FMNL2: variants seen among roughly 807,000 people sequenced by gnomAD.
FMNL2 encodes formin-like protein 2.
In FMNL2, 51 loss-of-function variants were observed where a neutral mutation model predicts 130.2. The ratio of observed to expected loss-of-function variants is 0.39; its 90% CI spans 0.31 to 0.49. The LOEUF (loss-of-function observed/expected upper bound fraction) is 0.49, where lower values mean the gene tolerates loss of function less well. FMNL2 is among the 20% of genes least tolerant of loss of function. The pLI is 0.85. For missense variants in FMNL2, 977 were observed against 1,316.2 expected, an observed-to-expected ratio of 0.74 and a Z score of 3.99; for synonymous variants, 465 against 467.1, an observed-to-expected ratio of 1.00 and a Z score of 0.06.
At chr2:152,385,922 C>G (rs998184675) in intron 1 of FMNL2, among the ~76,000 whole-genome samples, 1 of 152,158 alleles carries the variant, frequency 6.6e-6, no homozygotes, top group African/African-American at 2.4e-5. Context: ...GAAAGGCTGT[C>G]AGCAATGCCT....
chr2:152,558,838 G>A lies in FMNL2; in HGVS notation c.443+15G>A, dbSNP rs114662803. The A allele has an allele frequency of 2.5e-4, 402 of 1,610,416 alleles. 1 individual carries two copies. The African/African-American group carries it at 4.8e-3, about 19-fold the overall frequency. On this transcript the variant is annotated intron_variant, in intron 5 of 25. Transcript: ENST00000288670. Reference sequence around the variant, plus strand: ...TACGCGGTAACGTAAGTAAAACTTGGCTTGCTTGCATTTGAATTTTATGTG... The same window carrying A: ...TACGCGGTAACGTAAGTAAAACTTGACTTGCTTGCATTTGAATTTTATGTG...
chr2:152,510,137 A>T (rs1048980451), intron 1 of FMNL2, among the ~76,000 whole-genome samples: 1 of 152,238 alleles, frequency 6.6e-6, no homozygotes, highest in African/African-American at 2.4e-5. Flanking sequence ...AACCACGTAC[A>T]AATAGATAAT....
rs1693398014 is a variant in FMNL2 at position 152,526,597 on chromosome 2, A to AT, written c.201+4572dup. 2.6e-5 allele frequency among the ~76,000 whole-genome samples: 4 copies of AT among 152,214 alleles called. No homozygotes were observed. The South Asian group carries it at 8.3e-4, about 32-fold the overall frequency. ...AACTGACATGCTTCCTGTACTTAAT[A>AT]TGTTAAATTGGTTATATTTTTATCA... On this transcript the variant is annotated intron_variant, in intron 2 of 25. Coordinates refer to ENST00000288670, the MANE Select transcript of FMNL2 (RefSeq NM_052905.4).
At chr2:152,367,820 A>G (rs1683646136) in intron 1 of FMNL2, among the ~76,000 whole-genome samples, 1 of 152,244 alleles carries the variant, frequency 6.6e-6, no homozygotes, top group Non-Finnish European at 1.5e-5. Context: ...CTTCCTCATC[A>G]GTATCAATGG....
At chr2:152,579,463 CGAGGCAGGCAGATCACCT>C (rs895466968) in intron 8 of FMNL2, among the ~76,000 whole-genome samples, 8 of 152,188 alleles carry the variant, frequency 5.3e-5, no homozygotes, top group African/African-American at 1.9e-4. Flanking sequence ...TTTGGGAGGC[CGAGGCAGGCAGATCACCT>C]GAGGTCAGGA....
intron 1 of FMNL2, among the ~76,000 whole-genome samples, chr2:152,519,309 A>G (rs889564890): frequency 1.3e-5 from 2 of 152,164 alleles, no homozygotes; most frequent in African/African-American, 4.8e-5. Flanking sequence ...CTCTCTGGGC[A>G]TCGCGTCTGT....
At chr2:152,607,616 A>G in intron 10 of FMNL2, 1 of 504,840 alleles carries the variant, frequency 2.0e-6, no homozygotes, top group Non-Finnish European at 3.6e-6. Flanking sequence ...TTCCTTACAT[A>G]CACGGTATAG....
rs1267009854 is a variant in FMNL2, at chr2:152,615,185, G to C, written c.1212+185G>C. On this transcript the variant is annotated intron_variant, in intron 12 of 25. Transcript: ENST00000288670. ...AAAAAGCAGATGTGTTATGTAAAAT[G>C]AAATAGAATCTGTTGCTTTGCTTTA... Among the ~76,000 whole-genome samples, 3 of 152,138 alleles carry C rather than the reference G, an allele frequency of 2.0e-5. No individual in the cohort carries two copies. The East Asian group carries it at 5.8e-4, about 29-fold the overall frequency.
intron 1 of FMNL2, among the ~76,000 whole-genome samples, chr2:152,408,453 C>G (rs1686116490): frequency 6.6e-6 from 1 of 152,154 alleles, no homozygotes; most frequent in Non-Finnish European, 1.5e-5. Context: ...TGCTGGCAAA[C>G]TGCTGGCTTA....
At chr2:152,454,396 A>C (rs1688836198) in intron 1 of FMNL2, among the ~76,000 whole-genome samples, 1 of 152,144 alleles carries the variant, frequency 6.6e-6, no homozygotes, top group African/African-American at 2.4e-5. Flanking sequence ...TATTAAATTT[A>C]AGACTGTAGA....
At chr2:152,617,955 C>T (rs896147785) in intron 13 of FMNL2, among the ~76,000 whole-genome samples, 6 of 152,168 alleles carry the variant, frequency 3.9e-5, no homozygotes, top group South Asian at 2.1e-4. Flanking sequence ...TTTTCTGGCA[C>T]GCCTTCGAGA....
rs1263264524 is a variant in FMNL2, at chr2:152,355,941, C to T, written c.117+20221C>T. Among the ~76,000 whole-genome samples the T allele has an allele frequency of 2.0e-5, 3 of 152,340 alleles. No homozygotes were observed. In the East Asian group the frequency reaches 5.8e-4, roughly 29 times the overall value. ...ACAGTCCAAGCTCGTTCTCTCCTGACTTCCTTTCTCCCGCTACAGAGGAAA... is the reference window on the plus strand; with the variant it reads ...ACAGTCCAAGCTCGTTCTCTCCTGATTTCCTTTCTCCCGCTACAGAGGAAA... On this transcript the variant is annotated intron_variant, in intron 1 of 25. Transcript: ENST00000288670.
chr2:152,464,343 T>A (rs367950192), intron 1 of FMNL2, among the ~76,000 whole-genome samples: 24 of 152,246 alleles, frequency 1.6e-4, no homozygotes, highest in East Asian at 1.3e-3. Context: ...CTCCTTTGGC[T>A]GGCTTTAAAC....
intron 2 of FMNL2, among the ~76,000 whole-genome samples, chr2:152,538,856 G>A (rs1334801519): frequency 6.6e-6 from 1 of 152,108 alleles, no homozygotes; most frequent in East Asian, 1.9e-4. Flanking sequence ...TTGAACAACA[G>A]AAACATTGGG....
chr2:152,567,115 T>C (rs1485494308), intron 6 of FMNL2, among the ~76,000 whole-genome samples: 1 of 152,186 alleles, frequency 6.6e-6, no homozygotes, highest in Non-Finnish European at 1.5e-5. Context: ...AATATTTCCA[T>C]TTAAAGGTCA....
intron 22 of FMNL2, 86 bp downstream of exon 22, chr2:152,636,676 G>A (rs1209946062): frequency 4.2e-6 from 6 of 1,428,058 alleles, no homozygotes; most frequent in Non-Finnish European, 5.6e-6. Flanking sequence ...GGGGAGAAAT[G>A]TTCCATTTCC....
intron 1 of FMNL2, among the ~76,000 whole-genome samples, chr2:152,440,663 G>C (rs1688003818): frequency 6.6e-6 from 1 of 152,190 alleles, no homozygotes; most frequent in Admixed American, 6.5e-5. Flanking sequence ...ACAAAGAAGA[G>C]TAAGTTGTTA....
intron 14 of FMNL2, 134 bp downstream of exon 14, chr2:152,619,292 T>A: frequency 7.7e-7 from 1 of 1,301,444 alleles, no homozygotes; most frequent in Non-Finnish European, 1.0e-6. Flanking sequence ...GAGTAGTTCT[T>A]AACTGTTTAC....
At chr2:152,619,476 T>C (rs1699120472) in intron 14 of FMNL2, 33 bp from the exon 15 acceptor site, 1 of 1,549,790 alleles carries the variant, frequency 6.5e-7, no homozygotes, top group East Asian at 2.4e-5. Context: ...TCCCGTATTT[T>C]CAAAGTCCAT....
Sources: allele counts gnomAD v4.1 joint callset (sites outside exome capture counted in the v4.1 genomes callset), GRCh38; gene constraint gnomAD v4.1.1; transcripts MANE v1.5; gene names NCBI Gene and HGNC (gene_info 2026-07-23, HGNC 2026-07-21).